Variants in COQ9 observed in about 807,000 individuals in gnomAD.
The protein encoded by COQ9 is coenzyme Q9, also known as ubiquinone biosynthesis protein COQ9, mitochondrial.
COQ9 carries 35 observed loss-of-function variants against 42.4 expected under a neutral mutation model. The ratio of observed to expected loss-of-function variants is 0.83; its 90% CI spans 0.63 to 1.10. The LOEUF (loss-of-function observed/expected upper bound fraction) is 1.10, where lower values mean the gene tolerates loss of function less well. Ranked by LOEUF, COQ9 falls within the 50% of genes least tolerant of loss-of-function variation. The pLI, the probability that COQ9 is intolerant of heterozygous loss-of-function variation, is 0.00. For missense variants in COQ9, 406 were observed against 414.6 expected, an observed-to-expected ratio of 0.98 and a Z score of 0.18; for synonymous variants, 155 against 155.1, an observed-to-expected ratio of 1.00 and a Z score of 0.00.
At chr16:57,457,240 C>T (rs1488161420) in intron 5 of COQ9, 9 of 622,220 alleles carry the variant, frequency 1.4e-5, no homozygotes, top group South Asian at 6.3e-5. Context: ...GTGAGTGGTC[C>T]GGGTACTGGA....
chr16:57,452,865 A>G lies in COQ9; in HGVS notation c.307A>G (p.Ile103Val). The G allele has an allele frequency of 1.2e-6, 2 of 1,613,870 alleles. No individual in the cohort carries two copies. The highest frequency in any genetic ancestry group is 1.7e-6 in the Non-Finnish European group (2 of 1,180,008). Residue 103 changes from isoleucine (I) to valine (V), a missense_variant, in exon 3 of 9, where the codon ATC (isoleucine) becomes GTC (valine). Physicochemically the swap from Ile to Val is conservative, Grantham distance 29. Coordinates refer to ENST00000262507, the MANE Select transcript of COQ9 (RefSeq NM_020312.4). Reference protein sequence around the residue: ...YESEEQLQHRILTAALEFVPA... With the variant: ...YESEEQLQHRVLTAALEFVPA... ...AAGTGAGGAGCAGTTGCAGCACCGC[A>G]TCCTGACGGCAGCCCTTGAGTTTGT...
At position 57,460,853 on chromosome 16, in the gene COQ9, TG is replaced by T; in HGVS notation, c.*230del. 1 of 552,106 alleles carries T rather than the reference TG, an allele frequency of 1.8e-6. No individual in the cohort carries two copies. The highest frequency in any genetic ancestry group is 3.3e-6 in the Non-Finnish European group (1 of 303,780). 34.2% of individuals were successfully genotyped at this position (552,106 alleles called of 1,614,324 possible). A position where few individuals can be genotyped will look rare whatever the true frequency, so the allele number is the denominator to read the frequency against. On this transcript the variant is annotated 3_prime_UTR_variant, in exon 9 of 9. Transcript: ENST00000262507. ...CCTAATACCAGACCAAGCCTCCTGA[TG>T]CCTTTCTGCACTGCAACTGTGTGAT...
chr16:57,448,335 CT>C (rs1211371768), intron 1 of COQ9, among the ~76,000 whole-genome samples: 2 of 148,686 alleles, frequency 1.3e-5, no homozygotes, highest in African/African-American at 5.0e-5. Flanking sequence ...TATTCTGTTT[CT>C]TTTTTTTCTT....
At position 57,461,147 on chromosome 16, in the gene COQ9, T is replaced by C; in HGVS notation, c.*523T>C. 1 of 455,662 alleles carries C rather than the reference T, an allele frequency of 2.2e-6. No individual in the cohort carries two copies. The highest frequency in any genetic ancestry group is 1.5e-5 in the South Asian group (1 of 64,538). 28.2% of individuals were successfully genotyped at this position (455,662 alleles called of 1,614,324 possible). Reference sequence around the variant, plus strand: ...AGCCCCCTCAGAAAACTGCCTCACCTGAGACAAGTGCCTGCTGGACAGAGG... The same window carrying C: ...AGCCCCCTCAGAAAACTGCCTCACCCGAGACAAGTGCCTGCTGGACAGAGG... On this transcript the variant is annotated 3_prime_UTR_variant, in exon 9 of 9. Transcript: ENST00000262507.
intron 3 of COQ9, chr16:57,453,607 A>T (rs1421665670): frequency 6.5e-6 from 1 of 154,652 alleles, no homozygotes; most frequent in African/African-American, 2.4e-5. Context: ...CCCATGGACA[A>T]TGGGCAAGGT....
intron 8 of COQ9, 126 bp downstream of exon 8, chr16:57,460,230 C>A: frequency 2.0e-6 from 2 of 1,021,864 alleles, no homozygotes; most frequent in Non-Finnish European, 3.0e-6. Flanking sequence ...ATAAGGCTGA[C>A]AATGGTTCAG....
intron 3 of COQ9, chr16:57,453,638 A>G (rs1338721069): frequency 3.9e-5 from 6 of 153,270 alleles, no homozygotes; most frequent in Non-Finnish European, 7.3e-5. Context: ...CTGAAATTTA[A>G]CTGTTATTTC....
intron 3 of COQ9, among the ~76,000 whole-genome samples, chr16:57,455,686 G>A (rs771348219): frequency 2.6e-5 from 4 of 151,964 alleles, no homozygotes; most frequent in African/African-American, 4.8e-5. Flanking sequence ...CATAGAAGGC[G>A]AGGAAGTGGC....
Position 57,458,280 on chromosome 16 carries a change from C to T in COQ9, c.641C>T (p.Pro214Leu), listed in dbSNP as rs757047791. 1.4e-5 allele frequency: 22 copies of T among 1,612,476 alleles called. No homozygotes were observed. The highest frequency in any genetic ancestry group is 3.3e-5 in the Admixed American group (2 of 59,900). Residue 214 changes from proline to leucine, a missense_variant, in exon 6 of 9, where the codon CCG (proline) becomes CTG (leucine). Pro to Leu is a moderately conservative substitution (Grantham distance 98). Transcript: ENST00000262507. ...LSILMLPHNIPSSLSLLTSMV... is the reference protein window; with the variant it reads ...LSILMLPHNILSSLSLLTSMV... ...ATCCTCATGCTCCCTCACAACATCC[C>T]GTCCAGCCTGAGCCTGCTCACCAGC...
Position 57,447,524 on chromosome 16 carries a change from T to C in COQ9, c.19T>C (p.Ser7Pro). The C allele has an allele frequency of 4.6e-6, 6 of 1,310,364 alleles. No homozygotes were observed. The highest frequency in any genetic ancestry group is 3.9e-6 in the Non-Finnish European group (4 of 1,024,158). 81.2% of individuals were successfully genotyped at this position (1,310,364 alleles called of 1,614,324 possible). ...TTCCAAAATGGCGGCGGCGGCGGTA[T>C]CTGGTGCGCTTGGCCGGGCGGGCTG... MAAAAV[S>P]GALGRAGWRL... The change falls in exon 1 of 9, where the codon TCT (serine) becomes CCT (proline). Residue 7 changes from serine to proline, a missense_variant. Transcript: ENST00000262507.
intron 2 of COQ9, among the ~76,000 whole-genome samples, chr16:57,451,841 A>T (rs575241154): frequency 6.6e-6 from 1 of 152,332 alleles, no homozygotes; most frequent in African/African-American, 2.4e-5. Context: ...GATTTCCTTC[A>T]CTAGTATAAG....
chr16:57,451,120 C>T lies in COQ9; in HGVS notation c.154C>T (p.Gln52Ter). Reference sequence around the variant, plus strand: ...GCTAAGGTCTTCAGATGAGCAGAAGCAGCAGCCTCCCAACTCATTTTCTCA... The same window carrying T: ...GCTAAGGTCTTCAGATGAGCAGAAGTAGCAGCCTCCCAACTCATTTTCTCA... ...VGLRSSDEQK[Q>*]QPPNSFSQQH... Residue 52 changes from glutamine (Q) to a stop codon, truncating the protein, a stop_gained, in exon 2 of 9, where the codon CAG (glutamine) becomes TAG (stop). Coordinates refer to ENST00000262507, the MANE Select transcript of COQ9 (RefSeq NM_020312.4). LOFTEE classifies it high-confidence loss of function. 1 of 1,614,188 alleles carries T rather than the reference C, an allele frequency of 6.2e-7. No individual in the cohort carries two copies. The highest frequency in any genetic ancestry group is 8.5e-7 in the Non-Finnish European group (1 of 1,180,034).
chr16:57,451,808 TGTC>T (rs1297090237), intron 2 of COQ9, among the ~76,000 whole-genome samples: 3 of 152,340 alleles, frequency 2.0e-5, no homozygotes, highest in Admixed American at 2.0e-4. Context: ...TTATTTAACC[TGTC>T]TTTTATTGAT....
At chr16:57,458,078 A>C (rs1215824855) in intron 5 of COQ9, 168 bp from the exon 6 acceptor site, 1 of 664,552 alleles carries the variant, frequency 1.5e-6, no homozygotes, top group African/African-American at 1.8e-5. Context: ...CCTCAGCTGT[A>C]GTCAGCATTG....
chr16:57,447,909 G>A, intron 1 of COQ9: 1 of 247,068 alleles, frequency 4.0e-6, no homozygotes, highest in Non-Finnish European at 7.7e-6. Context: ...CAAGTCCATT[G>A]CCAAGTCCAC....
intron 6 of COQ9, among the ~76,000 whole-genome samples, chr16:57,458,560 T>C (rs1567580577): frequency 6.6e-6 from 1 of 152,230 alleles, no homozygotes; most frequent in African/African-American, 2.4e-5. Flanking sequence ...ACAAACCAGT[T>C]ATTATTTCTT....
chr16:57,459,828 C>G, intron 7 of COQ9, 108 bp downstream of exon 7: 1 of 1,331,666 alleles, frequency 7.5e-7, no homozygotes, highest in Non-Finnish European at 1.1e-6. Flanking sequence ...GTCCTGAGGG[C>G]CTTCCCAAGG....
intron 1 of COQ9, 175 bp downstream of exon 1, chr16:57,447,753 C>A: frequency 2.2e-6 from 1 of 457,092 alleles, no homozygotes; most frequent in Non-Finnish European, 3.6e-6. Context: ...GGCCCTGCTC[C>A]GCTGTCTGTG....
rs536762607 is a variant in COQ9, at chr16:57,450,970, T to G, written c.74-70T>G. On this transcript the variant is annotated intron_variant, in intron 1 of 8. Coordinates refer to ENST00000262507, the MANE Select transcript of COQ9 (RefSeq NM_020312.4). ...TGGCCTGCTTTTCCTCCTCCTTATCTGTGTTACCACTCTGGGTCTGAAAGG... is the reference window on the plus strand; with the variant it reads ...TGGCCTGCTTTTCCTCCTCCTTATCGGTGTTACCACTCTGGGTCTGAAAGG... 2.0e-5 allele frequency: 31 copies of G among 1,550,680 alleles called. No homozygotes were observed. The South Asian group carries it at 3.2e-4, about 16-fold the overall frequency.
Sources: allele counts gnomAD v4.1 joint callset (sites outside exome capture counted in the v4.1 genomes callset), GRCh38; gene constraint gnomAD v4.1.1; transcripts MANE v1.5; gene names NCBI Gene and HGNC (gene_info 2026-07-23, HGNC 2026-07-21).